Variants in FRMD3 observed in about 807,000 individuals in gnomAD.
FRMD3 encodes the protein FERM domain-containing protein 3.
FRMD3 carries 33 observed loss-of-function variants against 70.2 expected under a neutral mutation model. The ratio of observed to expected loss-of-function variants is 0.47; its 90% CI spans 0.36 to 0.63. The LOEUF (loss-of-function observed/expected upper bound fraction) is 0.63, where lower values mean the gene tolerates loss of function less well. Among genes scored for constraint, FRMD3 ranks in the 20% least tolerant of loss-of-function variants. The pLI is 0.00. For missense variants in FRMD3, 632 were observed against 711.4 expected (o/e 0.89, Z 1.27); for synonymous variants, 279 against 255.9 (o/e 1.09, Z -0.86).
chr9:83,573,165 T>C, the FRMD3 span, among the ~76,000 whole-genome samples: 6 of 152,184 alleles, frequency 3.9e-5, no homozygotes, highest in Non-Finnish European at 8.8e-5. Flanking sequence ...TCAATAAACA[T>C]TAATTGAGCA....
chr9:83,290,452 T>G (rs1197798548), intron 13 of FRMD3, 151 bp downstream of exon 13: 1 of 813,180 alleles, frequency 1.2e-6, no homozygotes, highest in Non-Finnish European at 2.0e-6. Context: ...GCCTTCCAGC[T>G]GCAAAAAGCT....
chr9:83,254,846 T>C (rs1832623202), intron 13 of FRMD3, among the ~76,000 whole-genome samples: 1 of 152,144 alleles, frequency 6.6e-6, no homozygotes, highest in Admixed American at 6.5e-5. Context: ...AATATCTGAA[T>C]AGATCAATAA....
intron 12 of FRMD3, among the ~76,000 whole-genome samples, chr9:83,293,263 C>A (rs1834519037): frequency 1.3e-5 from 2 of 152,126 alleles, no homozygotes; most frequent in Non-Finnish European, 2.9e-5. Flanking sequence ...TTTGAGCTCT[C>A]CTGGGATTTC....
chr9:83,447,127 G>T (rs992304568), intron 1 of FRMD3, among the ~76,000 whole-genome samples: 1 of 152,114 alleles, frequency 6.6e-6, no homozygotes, highest in Non-Finnish European at 1.5e-5. Context: ...TGGTTCAAGC[G>T]ATTCTCCTGC....
intron 3 of FRMD3, among the ~76,000 whole-genome samples, 192 bp from the exon 4 acceptor site, chr9:83,349,949 A>T (rs565095083): frequency 1.3e-5 from 2 of 152,112 alleles, no homozygotes; most frequent in Non-Finnish European, 2.9e-5. Context: ...ACTCAAAGAA[A>T]ATGCTTGACA....
At chr9:83,346,420 C>G (rs889359256) in intron 4 of FRMD3, among the ~76,000 whole-genome samples, 1 of 152,050 alleles carries the variant, frequency 6.6e-6, no homozygotes, top group Admixed American at 6.6e-5. Flanking sequence ...AAGCATTATG[C>G]TAAGTGAAAA....
intron 13 of FRMD3, among the ~76,000 whole-genome samples, chr9:83,275,142 A>G (rs1833754178): frequency 6.6e-6 from 1 of 152,178 alleles, no homozygotes; most frequent in East Asian, 1.9e-4. Context: ...GGTGTCCAAT[A>G]AGCAGCTGAA....
the FRMD3 span, among the ~76,000 whole-genome samples, chr9:83,550,283 C>G: frequency 3.9e-4 from 59 of 152,182 alleles, 4 homozygotes; most frequent in African/African-American, 1.4e-3. Flanking sequence ...TCTGGGCTCT[C>G]TATTCTGTTC....
Position 83,450,809 on chromosome 9 carries a change from C to T in FRMD3, c.148-61101G>A, listed in dbSNP as rs150312778. Among the ~76,000 whole-genome samples, 193 of 152,226 alleles carry T rather than the reference C, an allele frequency of 1.3e-3. 2 individuals are homozygous for T. The East Asian group carries it at 0.034, about 27-fold the overall frequency. On this transcript the variant is annotated intron_variant, in intron 1 of 13. Coordinates refer to ENST00000304195, the MANE Select transcript of FRMD3 (RefSeq NM_174938.6). ...TGCAAGCCAAGTGCCAGAGTAGCAG[C>T]GGGGACACCGAGGGCCTGCACTCAC... is the stretch of plus-strand genomic sequence containing the variant.
intron 13 of FRMD3, among the ~76,000 whole-genome samples, chr9:83,251,750 A>G (rs989717426): frequency 6.6e-6 from 1 of 152,240 alleles, no homozygotes; most frequent in African/African-American, 2.4e-5. Context: ...GAATAGACCA[A>G]GTTGAGCAAA....
At chr9:83,547,675 T>C in the FRMD3 span, among the ~76,000 whole-genome samples, 1 of 152,178 alleles carries the variant, frequency 6.6e-6, no homozygotes, top group Admixed American at 6.5e-5. Context: ...AATCAGACTC[T>C]AGATTAAATG....
intron 10 of FRMD3, among the ~76,000 whole-genome samples, chr9:83,304,803 G>T (rs574870633): frequency 6.6e-6 from 1 of 152,290 alleles, no homozygotes; most frequent in Admixed American, 6.5e-5. Flanking sequence ...CTCTGGGGTT[G>T]GCAGCACCAT....
intron 13 of FRMD3, among the ~76,000 whole-genome samples, chr9:83,253,252 C>T (rs576501759): frequency 6.6e-6 from 1 of 152,192 alleles, no homozygotes; most frequent in African/African-American, 2.4e-5. Context: ...AATTGAACAA[C>T]CTGTTACTGA....
intron 1 of FRMD3, among the ~76,000 whole-genome samples, chr9:83,518,742 T>C (rs1014356614): frequency 3.3e-5 from 5 of 151,916 alleles, no homozygotes; most frequent in Non-Finnish European, 5.9e-5. Context: ...CTTCAAACTA[T>C]ACTACCAGCC....
chr9:83,285,655 A>G (rs1834175756), intron 13 of FRMD3, among the ~76,000 whole-genome samples: 1 of 152,176 alleles, frequency 6.6e-6, no homozygotes. Flanking sequence ...CTTCTCTACT[A>G]CAATCCAGCA....
intron 1 of FRMD3, among the ~76,000 whole-genome samples, chr9:83,506,764 T>C (rs1302507279): frequency 1.3e-5 from 2 of 152,260 alleles, no homozygotes; most frequent in African/African-American, 4.8e-5. Flanking sequence ...ATTTTTACTT[T>C]ATAAGCTTTT....
intron 4 of FRMD3, among the ~76,000 whole-genome samples, chr9:83,349,352 T>C (rs374488811): frequency 6.6e-6 from 1 of 152,180 alleles, no homozygotes; most frequent in East Asian, 1.9e-4. Flanking sequence ...CTAGGGACTG[T>C]ACTGGGTATG....
At chr9:83,507,533 G>C (rs1338647546) in intron 1 of FRMD3, among the ~76,000 whole-genome samples, 1 of 149,506 alleles carries the variant, frequency 6.7e-6, no homozygotes, top group Non-Finnish European at 1.5e-5. Flanking sequence ...AGCCAGGTGT[G>C]GTGGCGGGCG....
intron 1 of FRMD3, among the ~76,000 whole-genome samples, chr9:83,489,695 T>C (rs1044728343): frequency 6.6e-5 from 10 of 152,200 alleles, no homozygotes; most frequent in African/African-American, 2.4e-4. Flanking sequence ...GGAAAGCAGT[T>C]CGAAGATTTC....
Sources: allele counts gnomAD v4.1 joint callset (sites outside exome capture counted in the v4.1 genomes callset), GRCh38; gene constraint gnomAD v4.1.1; transcripts MANE v1.5; gene names NCBI Gene and HGNC (gene_info 2026-07-23, HGNC 2026-07-21).